The following ARFGEF3 variants were observed in gnomAD, a reference collection of about 807,000 sequenced individuals.
ARFGEF3 encodes the protein ARFGEF family member 3.
ARFGEF3 carries 96 observed loss-of-function variants against 221.7 expected under a neutral mutation model. The observed-to-expected ratio is 0.43, with a 90% CI of 0.37 to 0.51. The LOEUF (loss-of-function observed/expected upper bound fraction) is 0.51, where lower values mean the gene tolerates loss of function less well. Among genes scored for constraint, ARFGEF3 ranks in the 20% least tolerant of loss-of-function variants. The probability of loss-of-function intolerance (pLI) is 0.00; values close to 1 mark genes in which losing one functional copy is unlikely to be tolerated. For synonymous variants in ARFGEF3, 1,145 were observed against 1,126.8 expected, an observed-to-expected ratio of 1.02 and a Z score of -0.32; for missense variants, 2,410 against 2,789.9, an observed-to-expected ratio of 0.86 and a Z score of 3.07.
chr6:138,279,158 G>T (rs184062564), intron 13 of ARFGEF3, among the ~76,000 whole-genome samples: 69 of 152,196 alleles, frequency 4.5e-4, no homozygotes, highest in African/African-American at 1.7e-3. Flanking sequence ...GGGACTACAG[G>T]TGTGCACCAC....
chr6:138,214,832 G>A (rs978372009), intron 4 of ARFGEF3, among the ~76,000 whole-genome samples: 3 of 152,148 alleles, frequency 2.0e-5, no homozygotes, highest in Non-Finnish European at 2.9e-5. Flanking sequence ...TAGGAATGAG[G>A]TTAAATCACT....
At chr6:138,265,058 C>T (rs571998016) in intron 12 of ARFGEF3, among the ~76,000 whole-genome samples, 25 of 152,166 alleles carry the variant, frequency 1.6e-4, no homozygotes, top group Middle Eastern at 3.4e-3. Flanking sequence ...CGCCCACCAC[C>T]ACACCGGGCT....
chr6:138,308,957 A>T (rs1779776822), intron 24 of ARFGEF3, 96 bp downstream of exon 24: 1 of 1,441,412 alleles, frequency 6.9e-7, no homozygotes, highest in Admixed American at 1.8e-5. Context: ...TGTCTGGAAC[A>T]AGCACGCATC....
intron 22 of ARFGEF3, among the ~76,000 whole-genome samples, chr6:138,303,669 G>A (rs1304001107): frequency 1.3e-5 from 2 of 151,824 alleles, no homozygotes; most frequent in Non-Finnish European, 2.9e-5. Context: ...TGCGTGTGGT[G>A]GCGCACGCTG....
chr6:138,217,928 A>G, intron 4 of ARFGEF3: 1 of 1,530,712 alleles, frequency 6.5e-7, no homozygotes, highest in Non-Finnish European at 8.8e-7. Context: ...CATTGGTAGC[A>G]GAATTGCCTT....
intron 4 of ARFGEF3, among the ~76,000 whole-genome samples, chr6:138,214,455 C>G (rs1001741731): frequency 3.9e-5 from 6 of 152,192 alleles, no homozygotes; most frequent in Non-Finnish European, 7.3e-5. Flanking sequence ...ATATGCTATT[C>G]AGGAGGGATA....
chr6:138,239,030 A>C (rs1224095168), intron 6 of ARFGEF3, among the ~76,000 whole-genome samples: 1 of 152,216 alleles, frequency 6.6e-6, no homozygotes, highest in East Asian at 1.9e-4. Context: ...GTTAACTAAA[A>C]GATGGTGGCA....
rs752665701 is a variant in ARFGEF3, at chr6:138,334,682, G to A, written c.5836G>A (p.Glu1946Lys). The part of the protein sequence containing the change: ...PFFILPSFQS[E>K]SSTPSTGGFS... ...CTTCATCCTGCCCTCCTTCCAGTCC[G>A]AGTCATCCACCCCATCCACCGGGGG... Residue 1946 changes from glutamate (E) to lysine (K), a missense_variant, in exon 33 of 34, where the codon GAG becomes AAG. Transcript: ENST00000251691. This position sits in a 1 kb window ranked among gnomAD's most constrained non-coding sequence, Gnocchi z 5.1. The A allele has an allele frequency of 9.3e-6, 15 of 1,612,178 alleles. No individual in the cohort carries two copies. The highest frequency in any genetic ancestry group is 2.2e-5 in the South Asian group (2 of 91,046).
At chr6:138,241,191 G>T (rs1334713972) in intron 6 of ARFGEF3, among the ~76,000 whole-genome samples, 1 of 152,102 alleles carries the variant, frequency 6.6e-6, no homozygotes, top group Non-Finnish European at 1.5e-5. Flanking sequence ...CTTTAGATCC[G>T]CAATCTAGGT....
chr6:138,249,211 C>T (rs1008168608), intron 8 of ARFGEF3, among the ~76,000 whole-genome samples: 4 of 152,234 alleles, frequency 2.6e-5, no homozygotes, highest in African/African-American at 9.6e-5. Context: ...CAAACAAACA[C>T]TGCAAATGCA....
chr6:138,311,012 CA>C (rs1264684200), intron 24 of ARFGEF3, among the ~76,000 whole-genome samples: 2 of 152,162 alleles, frequency 1.3e-5, no homozygotes, highest in Non-Finnish European at 2.9e-5. Context: ...CCTTTGTCAT[CA>C]AAAGTCACTC....
In ARFGEF3 at chr6:138,255,509, A is replaced by G. The variant is rs761471032; in HGVS notation, c.844A>G (p.Thr282Ala). The change falls in exon 10 of 34, where the codon ACC becomes GCC. Residue 282 changes from threonine to alanine, a missense_variant. Physicochemically the swap from Thr to Ala is moderately conservative, Grantham distance 58. Transcript: ENST00000251691. The part of the protein sequence containing the change: ...IHDKTITSAH[T>A]SSTSTSLESD... ...TGACAAAACCATCACCTCTGCTCACACCAGCAGCACCAGTACCAGCCTGGA... is the reference window on the plus strand; with the variant it reads ...TGACAAAACCATCACCTCTGCTCACGCCAGCAGCACCAGTACCAGCCTGGA... 6.8e-6 allele frequency: 11 copies of G among 1,613,870 alleles called. No individual in the cohort carries two copies. The highest frequency in any genetic ancestry group is 2.7e-5 in the African/African-American group (2 of 74,926).
chr6:138,258,601 A>G (rs749711032), intron 10 of ARFGEF3, among the ~76,000 whole-genome samples: 1 of 152,210 alleles, frequency 6.6e-6, no homozygotes, highest in African/African-American at 2.4e-5. Context: ...TATACGTCCC[A>G]TAACACTGAT....
In ARFGEF3 at chr6:138,338,483, T is replaced by G. The variant is rs1331659874; in HGVS notation, c.*1997T>G. 1 of 152,142 alleles carries G rather than the reference T, an allele frequency of 6.6e-6. No individual in the cohort carries two copies. Among genetic ancestry groups the G allele is most frequent in the Non-Finnish European group, 1.5e-5 (1 of 68,022 alleles). 9.4% of individuals were successfully genotyped at this position (152,142 alleles called of 1,614,324 possible). A position where few individuals can be genotyped will look rare whatever the true frequency, so the allele number is the denominator to read the frequency against. ...GCAACTTTTCATAAAGTAGAAAAAT[T>G]CAAAGGAAGCTGTCTCAATTTGAGA... On this transcript the variant is annotated 3_prime_UTR_variant, in exon 34 of 34. Coordinates refer to ENST00000251691, the MANE Select transcript of ARFGEF3 (RefSeq NM_020340.5).
chr6:138,253,651 T>C (rs1440345713), intron 8 of ARFGEF3, among the ~76,000 whole-genome samples: 1 of 152,160 alleles, frequency 6.6e-6, no homozygotes, highest in Non-Finnish European at 1.5e-5. Flanking sequence ...CTTGATCACC[T>C]CTGCAAGGAC....
At chr6:138,199,938 A>G (rs1312542111) in intron 2 of ARFGEF3, among the ~76,000 whole-genome samples, 1 of 152,178 alleles carries the variant, frequency 6.6e-6, no homozygotes, top group Non-Finnish European at 1.5e-5. Context: ...GAGAGTGGGC[A>G]TCCTTATCTT....
At position 138,217,966 on chromosome 6, in the gene ARFGEF3, G is replaced by T. The variant is rs572788145; in HGVS notation, c.351+7925G>T. ...CAACCATTTTTATTTTTCTGGAAAGGCTTTGCAGCAGGGCTGAGAGTTTAT... is the reference window on the plus strand; with the variant it reads ...CAACCATTTTTATTTTTCTGGAAAGTCTTTGCAGCAGGGCTGAGAGTTTAT... On this transcript the variant is annotated intron_variant, in intron 4 of 33. Transcript: ENST00000251691. 17 of 1,572,654 alleles carry T rather than the reference G, an allele frequency of 1.1e-5. No individual in the cohort carries two copies. In the South Asian group the frequency reaches 1.6e-4, roughly 14 times the overall value.
chr6:138,266,625 G>A (rs532545229), intron 12 of ARFGEF3, among the ~76,000 whole-genome samples: 14 of 152,172 alleles, frequency 9.2e-5, no homozygotes, highest in South Asian at 4.2e-4. Context: ...CGAGGCAGGC[G>A]GATCATGAGG....
At chr6:138,262,591 T>C in intron 11 of ARFGEF3, 110 bp from the exon 12 acceptor site, 1 of 1,074,280 alleles carries the variant, frequency 9.3e-7, no homozygotes, top group South Asian at 1.6e-5. Context: ...CAAATCAGAC[T>C]ATCTGTTTTG....
Sources: gnomAD v4.1 joint callset for allele counts (sites outside exome capture counted in the v4.1 genomes callset) on GRCh38, gnomAD v4.1.1 for gene constraint, Gnocchi (gnomAD v3.1) non-coding constraint, MANE v1.5 for transcripts, NCBI Gene and HGNC (gene_info 2026-07-23, HGNC 2026-07-21) for gene names.